EDARADD: variants seen among roughly 807,000 people sequenced by gnomAD.
The protein encoded by EDARADD is ectodysplasin-A receptor-associated adapter protein.
In EDARADD, 20 loss-of-function variants were observed where a neutral mutation model predicts 25.6. The observed-to-expected ratio is 0.78, with a 90% CI of 0.55 to 1.14. The LOEUF is 1.14. EDARADD is among the 50% of genes most tolerant of loss of function. The pLI, the probability that EDARADD is intolerant of heterozygous loss-of-function variation, is 0.00. For missense variants in EDARADD, 225 were observed against 270.1 expected (o/e 0.83, Z 1.17); for synonymous variants, 86 against 94.4 (o/e 0.91, Z 0.52).
rs376702776 is a variant in EDARADD, at chr1:236,421,853, C to G, written c.161-5539C>G. 1.6e-3 allele frequency among the ~76,000 whole-genome samples: 246 copies of G among 152,184 alleles called. 1 individual carries two copies. Among genetic ancestry groups the G allele is most frequent in the African/African-American group, 5.6e-3 (234 of 41,530 alleles). On this transcript the variant is annotated intron_variant, in intron 3 of 5. Coordinates refer to ENST00000334232, the MANE Select transcript of EDARADD (RefSeq NM_145861.4). The stretch of plus-strand genomic sequence containing the variant: ...TTGAGTCTCAATGTTAGGTCTTATA[C>G]AACAGTTCACCCCTAGATGCCATGG...
intron 5 of EDARADD, among the ~76,000 whole-genome samples, chr1:236,474,678 T>C (rs1659453901): frequency 6.6e-6 from 1 of 152,220 alleles, no homozygotes; most frequent in South Asian, 2.1e-4. Flanking sequence ...CCTCTTTAGG[T>C]ATTAAGATTC....
intron 3 of EDARADD, among the ~76,000 whole-genome samples, chr1:236,373,498 G>A (rs757984297): frequency 6.6e-6 from 1 of 152,220 alleles, no homozygotes; most frequent in Non-Finnish European, 1.5e-5. Flanking sequence ...GAGCCACTGT[G>A]CCCAGCTCCT....
At chr1:236,399,723 A>T (rs897597739) in intron 1 of EDARADD, among the ~76,000 whole-genome samples, 1 of 152,270 alleles carries the variant, frequency 6.6e-6, no homozygotes, top group Non-Finnish European at 1.5e-5. Context: ...AGAAACAAAC[A>T]ACCGGGCTTT....
At chr1:236,415,223 G>A (rs1015716221) in intron 3 of EDARADD, among the ~76,000 whole-genome samples, 53 of 152,234 alleles carry the variant, frequency 3.5e-4, no homozygotes, top group Admixed American at 1.0e-3. Context: ...CCTTGAGATC[G>A]GGTCGGGGAG....
chr1:236,370,265 C>G (rs1457870698), intron 3 of EDARADD, among the ~76,000 whole-genome samples: 1 of 152,016 alleles, frequency 6.6e-6, no homozygotes, highest in Non-Finnish European at 1.5e-5. Flanking sequence ...TACTAAAATA[C>G]AAAAAATCAG....
At chr1:236,367,225 ATTTATTTTAT>A (rs71176499) in intron 3 of EDARADD, among the ~76,000 whole-genome samples, 1 of 148,522 alleles carries the variant, frequency 6.7e-6, no homozygotes, top group Non-Finnish European at 1.5e-5. Context: ...TAAGTGTTTT[ATTTATTTTAT>A]TTTATTTTAT....
At position 236,427,371 on chromosome 1, in the gene EDARADD, CTTTCTTTT is replaced by C. The variant is rs759200747; in HGVS notation, c.161-17_161-10del. On this transcript the variant is annotated splice_polypyrimidine_tract_variant and intron_variant, in intron 3 of 5. Coordinates refer to ENST00000334232, the MANE Select transcript of EDARADD (RefSeq NM_145861.4). ...AAAATCACACTTTGTTTCTTTCTTT[CTTTCTTTT>C]TTTTTTTCCTAGCTGAAGAATGTGA... 6.2e-6 allele frequency: 10 copies of C among 1,603,714 alleles called. No individual in the cohort carries two copies. The Admixed American group carries it at 1.7e-4, about 27-fold the overall frequency.
intron 4 of EDARADD, among the ~76,000 whole-genome samples, chr1:236,438,797 G>A (rs890238742): frequency 2.0e-5 from 3 of 151,978 alleles, no homozygotes; most frequent in Admixed American, 2.0e-4. Context: ...TCAGCATCCT[G>A]CATCGTAACG....
Position 236,483,719 on chromosome 1 carries a change from A to G in EDARADD, c.*1070A>G. 1 of 1,542,390 alleles carries G rather than the reference A, an allele frequency of 6.5e-7. No individual in the cohort carries two copies. The highest frequency in any genetic ancestry group is 1.1e-5 in the South Asian group (1 of 89,634). On this transcript the variant is annotated 3_prime_UTR_variant, in exon 6 of 6. Transcript: ENST00000334232. ...ACTTCAGGGAAGCCATGCCCATTGG[A>G]GCGGAGGTTTACCACAGCCTGAAGA...
chr1:236,441,052 A>G (rs750973292), intron 4 of EDARADD, among the ~76,000 whole-genome samples: 1 of 152,084 alleles, frequency 6.6e-6, no homozygotes, highest in Non-Finnish European at 1.5e-5. Context: ...CTCATGCTAA[A>G]CAGCCAAGTT....
intron 4 of EDARADD, 48 bp from the exon 5 acceptor site, chr1:236,468,183 A>G: frequency 6.4e-7 from 1 of 1,571,202 alleles, no homozygotes; most frequent in Non-Finnish European, 8.8e-7. Flanking sequence ...TAATATCTCC[A>G]TTCACATTTG....
chr1:236,483,138 A>T lies in EDARADD; in HGVS notation c.*489A>T. 1 of 1,442,970 alleles carries T rather than the reference A, an allele frequency of 6.9e-7. No homozygotes were observed. Among genetic ancestry groups the T allele is most frequent in the Admixed American group, 1.7e-5 (1 of 59,386 alleles). 89.4% of individuals were successfully genotyped at this position (1,442,970 alleles called of 1,614,324 possible). A position where few individuals can be genotyped will look rare whatever the true frequency, so the allele number is the denominator to read the frequency against. On this transcript the variant is annotated 3_prime_UTR_variant, in exon 6 of 6. Coordinates refer to ENST00000334232, the MANE Select transcript of EDARADD (RefSeq NM_145861.4). ...GCACCCTCCACTTCTCTCCTAGGCA[A>T]TGAGACCCAGTGGCTAGAAATTCAC...
chr1:236,456,872 G>A (rs1053907934), intron 4 of EDARADD, among the ~76,000 whole-genome samples: 3 of 152,136 alleles, frequency 2.0e-5, no homozygotes, highest in South Asian at 2.1e-4. Flanking sequence ...TCATGCCCTG[G>A]TCAAGCATTT....
In EDARADD at chr1:236,418,908, G is replaced by A. The variant is rs72753344; in HGVS notation, c.160+4609G>A. On this transcript the variant is annotated intron_variant, in intron 3 of 5. Coordinates refer to ENST00000334232, the MANE Select transcript of EDARADD (RefSeq NM_145861.4). ...TTCAATAAATACACTCCCCGCCCCC[G>A]CTCCCCAAGCCTTGACAGAGACCCT... Among the ~76,000 whole-genome samples the A allele has an allele frequency of 2.0e-3, 303 of 152,042 alleles. 1 individual carries two copies. The highest frequency in any genetic ancestry group is 0.014 in the Middle Eastern group (4 of 294).
At chr1:236,374,215 G>T (rs1033541930) in intron 3 of EDARADD, among the ~76,000 whole-genome samples, 2 of 152,014 alleles carry the variant, frequency 1.3e-5, no homozygotes, top group East Asian at 3.9e-4. Flanking sequence ...ACTATGTTCT[G>T]TTCCTACTCA....
chr1:236,364,844 T>C (rs2102992236), intron 3 of EDARADD, among the ~76,000 whole-genome samples: 2 of 152,356 alleles, frequency 1.3e-5, no homozygotes, highest in Middle Eastern at 6.8e-3. Flanking sequence ...ATAACAGTTT[T>C]AATTTCTTTC....
chr1:236,425,310 T>C (rs1657887076), intron 3 of EDARADD, among the ~76,000 whole-genome samples: 1 of 152,164 alleles, frequency 6.6e-6, no homozygotes, highest in Non-Finnish European at 1.5e-5. Context: ...GCCATGGCTG[T>C]GTACCTCGAT....
At chr1:236,436,399 T>A (rs1658251766) in intron 4 of EDARADD, among the ~76,000 whole-genome samples, 2 of 151,870 alleles carry the variant, frequency 1.3e-5, no homozygotes, top group African/African-American at 4.8e-5. Flanking sequence ...TGGCCTCAGG[T>A]GATCTGCCCT....
At chr1:236,476,578 T>G (rs1571959065) in intron 5 of EDARADD, among the ~76,000 whole-genome samples, 1 of 151,438 alleles carries the variant, frequency 6.6e-6, no homozygotes, top group South Asian at 2.1e-4. Context: ...TAGGCTGGAG[T>G]GCAGTGGCAC....
Sources: allele counts gnomAD v4.1 joint callset (sites outside exome capture counted in the v4.1 genomes callset), GRCh38; gene constraint gnomAD v4.1.1; transcripts MANE v1.5; gene names NCBI Gene and HGNC (gene_info 2026-07-23, HGNC 2026-07-21).